The following MGAT4C variants were observed in gnomAD, a reference collection of about 807,000 sequenced individuals.
MGAT4C encodes the protein MGAT4 family member C.
MGAT4C carries 19 observed loss-of-function variants against 40.1 expected under a neutral mutation model. The ratio of observed to expected loss-of-function variants is 0.47; its 90% CI spans 0.33 to 0.70. MGAT4C has a LOEUF of 0.70. Ranked by LOEUF, MGAT4C falls within the 30% of genes least tolerant of loss-of-function variation. The probability of loss-of-function intolerance (pLI) is 0.02; values close to 1 mark genes in which losing one functional copy is unlikely to be tolerated. For missense variants in MGAT4C, 491 were observed against 563.2 expected (o/e 0.87, Z 1.30); for synonymous variants, 181 against 187.1 (o/e 0.97, Z 0.27).
chr12:86,142,617 G>C (rs1882983489), intron 1 of MGAT4C, among the ~76,000 whole-genome samples: 1 of 151,992 alleles, frequency 6.6e-6, no homozygotes, highest in African/African-American at 2.4e-5. Context: ...ATATATAGTA[G>C]GGGATTGTTT....
At chr12:86,525,148 C>T (rs1385716252) in intron 2 of MGAT4C, among the ~76,000 whole-genome samples, 1 of 152,188 alleles carries the variant, frequency 6.6e-6, no homozygotes, top group Non-Finnish European at 1.5e-5. Context: ...AGAGGAGGGA[C>T]CTGGTGAGAA....
intron 3 of MGAT4C, among the ~76,000 whole-genome samples, chr12:86,418,887 A>C (rs1956770487): frequency 5.9e-5 from 9 of 152,126 alleles, no homozygotes. Flanking sequence ...GAAATCACTT[A>C]GGTCACTGTA....
chr12:86,023,187 G>C (rs918968952), intron 2 of MGAT4C, among the ~76,000 whole-genome samples: 2 of 152,018 alleles, frequency 1.3e-5, no homozygotes, highest in African/African-American at 4.8e-5. Context: ...TGAAATTTTT[G>C]AAGGGAAATG....
intron 1 of MGAT4C, among the ~76,000 whole-genome samples, chr12:86,141,432 T>G (rs1229302120): frequency 2.6e-5 from 4 of 152,190 alleles, no homozygotes; most frequent in South Asian, 2.1e-4. Context: ...ACTGGAAAAT[T>G]TGAGTGAAGA....
intron 2 of MGAT4C, among the ~76,000 whole-genome samples, chr12:86,702,429 C>T (rs1307966899): frequency 6.6e-6 from 1 of 152,072 alleles, no homozygotes; most frequent in Non-Finnish European, 1.5e-5. Flanking sequence ...AAAGTCAATG[C>T]CTGAATTCAA....
At chr12:86,089,244 CTTGT>C (rs1490913589) in intron 1 of MGAT4C, among the ~76,000 whole-genome samples, 3 of 151,742 alleles carry the variant, frequency 2.0e-5, no homozygotes, top group South Asian at 2.1e-4. Context: ...TTGTTTATAA[CTTGT>C]TTAAGTAATT....
At chr12:86,012,017 C>G (rs1052696718) in intron 2 of MGAT4C, 2 of 236,834 alleles carry the variant, frequency 8.4e-6, no homozygotes, top group Admixed American at 6.5e-5. Flanking sequence ...AATAATATTA[C>G]AAAGGACAAG....
intron 1 of MGAT4C, among the ~76,000 whole-genome samples, chr12:86,062,650 C>T (rs983642877): frequency 2.6e-5 from 4 of 151,886 alleles, no homozygotes; most frequent in African/African-American, 2.4e-5. Context: ...AGATGAATTG[C>T]TAACTAGAAT....
At chr12:86,078,635 C>A (rs1565950706) in intron 1 of MGAT4C, among the ~76,000 whole-genome samples, 1 of 152,180 alleles carries the variant, frequency 6.6e-6, no homozygotes, top group Non-Finnish European at 1.5e-5. Context: ...CTGCTGCTGG[C>A]AAATTGGGCA....
At chr12:86,455,405 T>C (rs1269118052) in intron 2 of MGAT4C, among the ~76,000 whole-genome samples, 3 of 152,160 alleles carry the variant, frequency 2.0e-5, no homozygotes, top group Admixed American at 2.0e-4. Context: ...TTGCCAAATA[T>C]ATGTCCTTGT....
intron 1 of MGAT4C, among the ~76,000 whole-genome samples, chr12:86,169,763 T>G (rs182475258): frequency 1.3e-5 from 2 of 152,238 alleles, no homozygotes; most frequent in Admixed American, 1.3e-4. Context: ...AGAGTTTCCT[T>G]TTACCTTTGA....
intron 1 of MGAT4C, among the ~76,000 whole-genome samples, chr12:86,108,026 T>C (rs1398427379): frequency 1.3e-5 from 2 of 152,206 alleles, no homozygotes; most frequent in African/African-American, 2.4e-5. Context: ...ATGGAAAAGT[T>C]GAAAAGCTTA....
chr12:86,653,045 T>C (rs897306936), intron 2 of MGAT4C, among the ~76,000 whole-genome samples: 5 of 151,946 alleles, frequency 3.3e-5, no homozygotes, highest in Non-Finnish European at 5.9e-5. Context: ...TAAACTAATA[T>C]TTTGTTTTAA....
intron 1 of MGAT4C, among the ~76,000 whole-genome samples, chr12:86,805,190 G>GA (rs1160363433): frequency 6.6e-6 from 1 of 151,904 alleles, no homozygotes; most frequent in Non-Finnish European, 1.5e-5. Flanking sequence ...TAGTGGGATT[G>GA]AACAACTATT....
intron 3 of MGAT4C, among the ~76,000 whole-genome samples, chr12:86,390,538 T>C (rs1956144245): frequency 6.6e-6 from 1 of 152,154 alleles, no homozygotes; most frequent in Admixed American, 6.5e-5. Flanking sequence ...TGTGTACTTA[T>C]CAATTCACTT....
intron 2 of MGAT4C, among the ~76,000 whole-genome samples, chr12:86,018,088 T>C (rs191549419): frequency 6.6e-6 from 1 of 152,302 alleles, no homozygotes; most frequent in Admixed American, 6.5e-5. Context: ...TTACTTGGAC[T>C]ACATGCAACA....
rs374105383 is a variant in MGAT4C at position 86,294,684 on chromosome 12, GA to G, written c.-57+39380del. Among the ~76,000 whole-genome samples the G allele has an allele frequency of 6.1e-3, 929 of 152,186 alleles. 6 individuals are homozygous for G. Among genetic ancestry groups the G allele is most frequent in the African/African-American group, 0.021 (879 of 41,512 alleles). On this transcript the variant is annotated intron_variant, in intron 4 of 7. Transcript: ENST00000548651. Reference sequence around the variant, plus strand: ...TTTGTAGTCAGCATTTGTTGGGGGGGAAAAAAGTTAAATACTTTTAGTTTCC... The same window carrying G: ...TTTGTAGTCAGCATTTGTTGGGGGGGAAAAAGTTAAATACTTTTAGTTTCC...
intron 2 of MGAT4C, among the ~76,000 whole-genome samples, chr12:86,712,903 C>A (rs1950582787): frequency 6.6e-6 from 1 of 152,028 alleles, no homozygotes; most frequent in Non-Finnish European, 1.5e-5. Flanking sequence ...AAAAAGCCAT[C>A]CTTCCCCTAT....
At chr12:86,693,304 A>G (rs1006802832) in intron 2 of MGAT4C, among the ~76,000 whole-genome samples, 9 of 152,228 alleles carry the variant, frequency 5.9e-5, no homozygotes, top group African/African-American at 1.7e-4. Flanking sequence ...CAGTAACTTG[A>G]TAACGGCAAG....
Sources: allele counts gnomAD v4.1 joint callset (sites outside exome capture counted in the v4.1 genomes callset), GRCh38; gene constraint gnomAD v4.1.1; transcripts MANE v1.5; gene names NCBI Gene and HGNC (gene_info 2026-07-23, HGNC 2026-07-21).